RTL1: variants seen among roughly 807,000 people sequenced by gnomAD.
RTL1 encodes retrotransposon Gag like 1, also known as retrotransposon-like protein 1.
For missense variants in RTL1, 1,681 were observed against 1,767.5 expected, an observed-to-expected ratio of 0.95 and a Z score of 0.88; for synonymous variants, 727 against 748.4, an observed-to-expected ratio of 0.97 and a Z score of 0.47.
At chr14:100,884,977 G>C in intron 3 of RTL1, 103 bp from the exon 4 acceptor site, 1 of 526,284 alleles carries the variant, frequency 1.9e-6, no homozygotes, top group South Asian at 3.4e-5. Flanking sequence ...CAACTAATCA[G>C]AGCAGAGAGA....
chr14:100,881,146 G>T lies in RTL1; in HGVS notation c.3643C>A (p.Arg1215Ser), dbSNP rs202003846. The T allele has an allele frequency of 7.7e-5, 119 of 1,551,466 alleles. No homozygotes were observed. The highest frequency in any genetic ancestry group is 9.2e-5 in the Non-Finnish European group (105 of 1,146,878). The change falls in exon 4 of 4, where the codon CGT becomes AGT. Residue 1215 changes from arginine (R) to serine (S), a missense_variant. Physicochemically the swap from Arg to Ser is moderately radical, Grantham distance 110. Transcript: ENST00000649591. This position sits in a 1 kb window ranked among gnomAD's most constrained non-coding sequence, Gnocchi z 6.6. ...TGCAGCTCCAGGTAGCGGTTCTGAC[G>T]CAGGGCAGGGAGGTGGCCCTCCTGG... is the stretch of plus-strand genomic sequence containing the variant. ...TPQEGHLPAL[R>S]QNRYLELHVV...
At chr14:100,894,913 T>C (rs2038834080) in intron 2 of RTL1, 1 of 152,220 alleles carries the variant, frequency 6.6e-6, no homozygotes, top group African/African-American at 2.4e-5. Flanking sequence ...TCCAGGGGGT[T>C]TCTGAGGACA....
Position 100,893,138 on chromosome 14 carries a change from G to C in RTL1, c.-87+306C>G, listed in dbSNP as rs1469777862. Among the ~76,000 whole-genome samples the C allele has an allele frequency of 6.6e-6, 1 of 152,128 alleles. No homozygotes were observed. Among genetic ancestry groups the C allele is most frequent in the Non-Finnish European group, 1.5e-5 (1 of 68,028 alleles). On this transcript the variant is annotated intron_variant, in intron 3 of 3. Transcript: ENST00000649591. This position sits in a 1 kb window ranked among gnomAD's most constrained non-coding sequence, Gnocchi z 4.2. ...TGAGGGGCATCCAGACCACAAGAGT[G>C]GGGGTCTCAGTGTCTGCCTCCATCT... is the stretch of plus-strand genomic sequence containing the variant.
At chr14:100,899,737 C>G (rs921673368) in intron 2 of RTL1, among the ~76,000 whole-genome samples, 2 of 145,744 alleles carry the variant, frequency 1.4e-5, no homozygotes, top group Admixed American at 1.4e-4. Flanking sequence ...GACTCATAAT[C>G]TCTCTCACAC....
In RTL1 at chr14:100,882,951, G is replaced by A; in HGVS notation, c.1838C>T (p.Thr613Ile). The change falls in exon 4 of 4, where the codon ACC becomes ATC. Residue 613 changes from threonine to isoleucine, a missense_variant. Coordinates refer to ENST00000649591, the MANE Select transcript of RTL1 (RefSeq NM_001134888.3). The part of the protein sequence containing the change: ...HSETFYECPS[T>I]APWEPVGARM... Reference sequence around the variant, plus strand: ...GGCACCCACAGGTTCCCAAGGCGCGGTGGAGGGACACTCGTAAAAGGTCTC... The same window carrying A: ...GGCACCCACAGGTTCCCAAGGCGCGATGGAGGGACACTCGTAAAAGGTCTC... 1.2e-6 allele frequency: 2 copies of A among 1,613,798 alleles called. No homozygotes were observed. The highest frequency in any genetic ancestry group is 1.1e-5 in the South Asian group (1 of 90,910).
At position 100,880,950 on chromosome 14, in the gene RTL1, G is replaced by C. The variant is rs1354896758; in HGVS notation, c.3839C>G (p.Pro1280Arg). ...SHTAATHPPR[P>R]RHLMDPQVLE... Reference sequence around the variant, plus strand: ...GACCTGGGGATCCATCAGGTGGCGTGGGCGGGGTGGGTGGGTGGCTGCTGT... The same window carrying C: ...GACCTGGGGATCCATCAGGTGGCGTCGGCGGGGTGGGTGGGTGGCTGCTGT... The change falls in exon 4 of 4, where the codon CCA becomes CGA. Residue 1280 changes from proline to arginine, a missense_variant. Pro to Arg is a moderately radical substitution (Grantham distance 103). Transcript: ENST00000649591. 7 of 1,549,972 alleles carry C rather than the reference G, an allele frequency of 4.5e-6. No homozygotes were observed. The highest frequency in any genetic ancestry group is 6.1e-6 in the Non-Finnish European group (7 of 1,147,086).
intron 3 of RTL1, among the ~76,000 whole-genome samples, chr14:100,892,588 G>A (rs1213530148): frequency 1.3e-5 from 2 of 152,192 alleles, no homozygotes; most frequent in African/African-American, 4.8e-5. Context: ...AACCCCACAA[G>A]GGGACGATGC....
intron 3 of RTL1, among the ~76,000 whole-genome samples, chr14:100,892,749 C>T (rs1271461742): frequency 2.6e-5 from 4 of 152,004 alleles, no homozygotes; most frequent in African/African-American, 4.8e-5. Flanking sequence ...GGGGTACGTG[C>T]GGAAGACGGA....
chr14:100,884,112 C>A lies in RTL1; in HGVS notation c.677G>T (p.Ser226Ile). The change falls in exon 4 of 4, where the codon AGC (serine) becomes ATC (isoleucine). Residue 226 changes from serine to isoleucine, a missense_variant. Ser to Ile is a moderately radical substitution (Grantham distance 142, BLOSUM62 -2). Transcript: ENST00000649591. The part of the protein sequence containing the change: ...FIVLCQLTLQ[S>I]YPRMFYNDRL... ...GTCGTTATAGAACATTCTTGGGTAGCTCTGTAAGGTCAGTTGGCAGAGTAC... is the reference window on the plus strand; with the variant it reads ...GTCGTTATAGAACATTCTTGGGTAGATCTGTAAGGTCAGTTGGCAGAGTAC... The A allele has an allele frequency of 3.2e-6, 5 of 1,551,726 alleles. No homozygotes were observed. The highest frequency in any genetic ancestry group is 3.5e-6 in the Non-Finnish European group (4 of 1,147,010).
chr14:100,889,228 A>G (rs1403987182), intron 3 of RTL1, among the ~76,000 whole-genome samples: 2 of 152,190 alleles, frequency 1.3e-5, no homozygotes, highest in Non-Finnish European at 2.9e-5. Context: ...TGTTTTCATC[A>G]CTACAAAAAG....
chr14:100,883,197 A>G lies in RTL1; in HGVS notation c.1592T>C (p.Leu531Pro), dbSNP rs1184349934. The change falls in exon 4 of 4, where the codon CTG (leucine) becomes CCG (proline). Residue 531 changes from leucine (L) to proline (P), a missense_variant. Leu to Pro is a moderately conservative substitution (Grantham distance 98, BLOSUM62 -3). Coordinates refer to ENST00000649591, the MANE Select transcript of RTL1 (RefSeq NM_001134888.3). The surrounding 1 kb of genome is among the most constrained non-coding windows in gnomAD (Gnocchi z 5.9). Reference protein sequence around the residue: ...GRCTFHSPYCLKNCFRPPPPC... With the variant: ...GRCTFHSPYCPKNCFRPPPPC... ...CGGGGGCGGGCGGAAGCAGTTCTTCAGGCAGTAGGGAGAGTGGAAGGTGCA... is the reference window on the plus strand; with the variant it reads ...CGGGGGCGGGCGGAAGCAGTTCTTCGGGCAGTAGGGAGAGTGGAAGGTGCA... 6.4e-7 allele frequency: 1 copy of G among 1,561,024 alleles called. No individual in the cohort carries two copies.
rs1273573277 is a variant in RTL1, at chr14:100,882,523, A to G, written c.2266T>C (p.Phe756Leu). The change falls in exon 4 of 4, where the codon TTC (phenylalanine) becomes CTC (leucine). Residue 756 changes from phenylalanine (F) to leucine (L), a missense_variant. Coordinates refer to ENST00000649591, the MANE Select transcript of RTL1 (RefSeq NM_001134888.3). Reference sequence around the variant, plus strand: ...GAGCAGTAGACGTTGTGATGGCGGAAGCGGACCAGGACTTGGCGGACGTGG... The same window carrying G: ...GAGCAGTAGACGTTGTGATGGCGGAGGCGGACCAGGACTTGGCGGACGTGG... ...LHHVRQVLVRFRHHNVYCSLD... is the reference protein window; with the variant it reads ...LHHVRQVLVRLRHHNVYCSLD... The G allele has an allele frequency of 6.4e-7, 1 of 1,551,930 alleles. No individual in the cohort carries two copies. Among genetic ancestry groups the G allele is most frequent in the Admixed American group, 2.0e-5 (1 of 51,010 alleles).
chr14:100,881,654 G>T lies in RTL1; in HGVS notation c.3135C>A (p.Ile1045=), dbSNP rs1244762336. The T allele has an allele frequency of 2.6e-6, 4 of 1,552,444 alleles. No homozygotes were observed. The highest frequency in any genetic ancestry group is 8.7e-7 in the Non-Finnish European group (1 of 1,147,318). ...TCATGGCCAGCAGCTCTTGCCGTAG[G>T]ATCTGTTCATTGAGCTCATCCTGTT... ...NEEQDELNEQ[I]LRQELLAMIP... Residue 1045 remains isoleucine (I), a synonymous_variant, in exon 4 of 4, where the codon ATC becomes ATA. Coordinates refer to ENST00000649591, the MANE Select transcript of RTL1 (RefSeq NM_001134888.3). This position sits in a 1 kb window ranked among gnomAD's most constrained non-coding sequence, Gnocchi z 6.6.
In RTL1 at chr14:100,880,953, C is replaced by A. The variant is rs769647776; in HGVS notation, c.3836G>T (p.Arg1279Leu). The change falls in exon 4 of 4, where the codon CGC becomes CTC. Residue 1279 changes from arginine to leucine, a missense_variant. Physicochemically the swap from Arg to Leu is moderately radical, Grantham distance 102. Coordinates refer to ENST00000649591, the MANE Select transcript of RTL1 (RefSeq NM_001134888.3). Reference protein sequence around the residue: ...PSHTAATHPPRPRHLMDPQVL... With the variant: ...PSHTAATHPPLPRHLMDPQVL... ...CTGGGGATCCATCAGGTGGCGTGGGCGGGGTGGGTGGGTGGCTGCTGTGTG... is the reference window on the plus strand; with the variant it reads ...CTGGGGATCCATCAGGTGGCGTGGGAGGGGTGGGTGGGTGGCTGCTGTGTG... The A allele has an allele frequency of 2.0e-4, 9 of 44,802 alleles. No individual in the cohort carries two copies. The highest frequency in any genetic ancestry group is 2.3e-3 in the East Asian group (1 of 434). 2.8% of individuals were successfully genotyped at this position (44,802 alleles called of 1,614,324 possible).
At chr14:100,898,120 G>A (rs1307046178) in intron 2 of RTL1, 4 of 280,168 alleles carry the variant, frequency 1.4e-5, no homozygotes, top group Non-Finnish European at 3.0e-5. Context: ...GTGCTCTGGG[G>A]GAGGAGAAGC....
rs765908112 is a variant in RTL1, at chr14:100,881,254, G to A, written c.3535C>T (p.His1179Tyr). The A allele has an allele frequency of 1.6e-4, 245 of 1,549,906 alleles. No individual in the cohort carries two copies. The highest frequency in any genetic ancestry group is 2.1e-4 in the Non-Finnish European group (239 of 1,146,710). ...GPGRWQRNAL[H>Y]SQAHRGLQFT... Reference sequence around the variant, plus strand: ...TGCAGGCCTCGGTGGGCCTGGGAGTGCAGAGCATTTCGCTGCCAGCGGCCA... The same window carrying A: ...TGCAGGCCTCGGTGGGCCTGGGAGTACAGAGCATTTCGCTGCCAGCGGCCA... The change falls in exon 4 of 4, where the codon CAC (histidine) becomes TAC (tyrosine). Residue 1179 changes from histidine to tyrosine, a missense_variant. Physicochemically the swap from His to Tyr is moderately conservative, Grantham distance 83. Transcript: ENST00000649591. This position sits in a 1 kb window ranked among gnomAD's most constrained non-coding sequence, Gnocchi z 6.6.
At chr14:100,891,235 C>G (rs2038772844) in intron 3 of RTL1, among the ~76,000 whole-genome samples, 1 of 152,102 alleles carries the variant, frequency 6.6e-6, no homozygotes, top group South Asian at 2.1e-4. Context: ...ACGACTTGAG[C>G]CTTACAGGGT....
rs2038597880 is a variant in RTL1 at position 100,880,890 on chromosome 14, T to C, written c.3899A>G (p.His1300Arg). The C allele has an allele frequency of 6.7e-7, 1 of 1,482,452 alleles. No individual in the cohort carries two copies. The highest frequency in any genetic ancestry group is 1.2e-5 in the South Asian group (1 of 82,708). The allele number at this position is 1,482,452 out of a possible 1,614,324, so 91.8% of individuals were successfully genotyped here. A position where few individuals can be genotyped will look rare whatever the true frequency, so the allele number is the denominator to read the frequency against. Residue 1300 changes from histidine to arginine, a missense_variant, in exon 4 of 4, where the codon CAC (histidine) becomes CGC (arginine). Physicochemically the swap from His to Arg is conservative, Grantham distance 29 (BLOSUM62 0). Coordinates refer to ENST00000649591, the MANE Select transcript of RTL1 (RefSeq NM_001134888.3). ...EFLGSRLLHI[H>R]SADGQLHLLS... Reference sequence around the variant, plus strand: ...CAGGTGCAGCTGGCCATCTGCACTGTGGATGTGGAGCAGGCGGCTACCAAG... The same window carrying C: ...CAGGTGCAGCTGGCCATCTGCACTGCGGATGTGGAGCAGGCGGCTACCAAG...
rs950114343 is a variant in RTL1 at position 100,882,493 on chromosome 14, C to T, written c.2296G>A (p.Asp766Asn). The change falls in exon 4 of 4, where the codon GAC (aspartate) becomes AAC (asparagine). Residue 766 changes from aspartate (D) to asparagine (N), a missense_variant. Asp to Asn is a conservative substitution (Grantham distance 23). Coordinates refer to ENST00000649591, the MANE Select transcript of RTL1 (RefSeq NM_001134888.3). The stretch of plus-strand genomic sequence containing the variant: ...GTTTGGCGGTGGAACTGGCTCTTGT[C>T]CAGGGAGCAGTAGACGTTGTGATGG... ...FRHHNVYCSLDKSQFHRQTVE... is the reference protein window; with the variant it reads ...FRHHNVYCSLNKSQFHRQTVE... 3 of 1,551,764 alleles carry T rather than the reference C, an allele frequency of 1.9e-6. No homozygotes were observed. Among genetic ancestry groups the T allele is most frequent in the Non-Finnish European group, 1.7e-6 (2 of 1,147,092 alleles).
Sources: allele counts gnomAD v4.1 joint callset (sites outside exome capture counted in the v4.1 genomes callset), GRCh38; gene constraint gnomAD v4.1.1; non-coding constraint Gnocchi (gnomAD v3.1); transcripts MANE v1.5; gene names NCBI Gene and HGNC (gene_info 2026-07-23, HGNC 2026-07-21).